The following HS3ST3B1 variants were observed in gnomAD, a reference collection of about 807,000 sequenced individuals.
HS3ST3B1 encodes heparan sulfate glucosamine 3-O-sulfotransferase 3B1.
HS3ST3B1 carries 13 observed loss-of-function variants against 21.3 expected under a neutral mutation model. The ratio of observed to expected loss-of-function variants is 0.61; its 90% confidence interval spans 0.40 to 0.97. HS3ST3B1 has a LOEUF of 0.97. HS3ST3B1 is among the 50% of genes least tolerant of loss of function. HS3ST3B1 has a pLI of 0.00. For missense variants in HS3ST3B1, 459 were observed against 554.8 expected, an observed-to-expected ratio of 0.83 and a Z score of 1.73; for synonymous variants, 234 against 254.8, an observed-to-expected ratio of 0.92 and a Z score of 0.78.
intron 1 of HS3ST3B1, among the ~76,000 whole-genome samples, chr17:14,325,110 T>C (rs1909767938): frequency 6.6e-6 from 1 of 152,180 alleles, no homozygotes; most frequent in Admixed American, 6.5e-5. Context: ...AAAAACAAGC[T>C]GTTTGCTGAA....
Position 14,311,003 on chromosome 17 carries a change from G to A in HS3ST3B1, c.554+8931G>A, listed in dbSNP as rs140465429. Among the ~76,000 whole-genome samples the A allele has an allele frequency of 5.0e-3, 754 of 152,200 alleles. 6 individuals carry two copies. Among genetic ancestry groups the A allele is most frequent in the African/African-American group, 0.017 (703 of 41,516 alleles). On this transcript the variant is annotated intron_variant, in intron 1 of 1. Transcript: ENST00000360954. ...TACTTATTAATGGAGGAAGCCAAAGGTGACCATTTAAAATCCTTTTCTATA... is the reference window on the plus strand; with the variant it reads ...TACTTATTAATGGAGGAAGCCAAAGATGACCATTTAAAATCCTTTTCTATA...
chr17:14,308,856 C>T (rs1163252985), intron 1 of HS3ST3B1, among the ~76,000 whole-genome samples: 1 of 152,200 alleles, frequency 6.6e-6, no homozygotes, highest in Non-Finnish European at 1.5e-5. Flanking sequence ...TCTCCCAAGT[C>T]TTTGCCCCAC....
intron 1 of HS3ST3B1, among the ~76,000 whole-genome samples, chr17:14,340,695 G>T (rs1254296814): frequency 1.3e-5 from 2 of 152,114 alleles, no homozygotes; most frequent in African/African-American, 4.8e-5. Flanking sequence ...AGATTCTCCT[G>T]TCTCAGCCTC....
chr17:14,345,753 T>C lies in HS3ST3B1; in HGVS notation c.*107T>C, dbSNP rs1265033522. ...TTTATAATAATTTATTTTTAATTCA[T>C]AAGCAATTAATTCACTAAGCTGCCT... On this transcript the variant is annotated 3_prime_UTR_variant, in exon 2 of 2. Transcript: ENST00000360954. 3 of 1,365,304 alleles carry C rather than the reference T, an allele frequency of 2.2e-6. No homozygotes were observed. The highest frequency in any genetic ancestry group is 2.9e-6 in the Non-Finnish European group (3 of 1,024,014). 84.6% of individuals were successfully genotyped at this position (1,365,304 alleles called of 1,614,324 possible). A position where few individuals can be genotyped will look rare whatever the true frequency, so the allele number is the denominator to read the frequency against.
Position 14,321,784 on chromosome 17 carries a change from A to G in HS3ST3B1, c.554+19712A>G, listed in dbSNP as rs149070770. Among the ~76,000 whole-genome samples, 1,354 of 152,282 alleles carry G rather than the reference A, an allele frequency of 8.9e-3. 17 individuals are homozygous for G. Among genetic ancestry groups the G allele is most frequent in the Middle Eastern group, 0.027 (8 of 294 alleles). ...ATGAGGGCTGTGGTTTGGAGAGGCT[A>G]ATCTAGTTATTTTCAGTTTTGTGAT... On this transcript the variant is annotated intron_variant, in intron 1 of 1. Coordinates refer to ENST00000360954, the MANE Select transcript of HS3ST3B1 (RefSeq NM_006041.3).
intron 1 of HS3ST3B1, among the ~76,000 whole-genome samples, chr17:14,332,887 A>C (rs1384925003): frequency 1.4e-5 from 2 of 138,924 alleles, no homozygotes; most frequent in East Asian, 4.1e-4. Flanking sequence ...TAACTGACAA[A>C]TCTCAGTTGT....
At chr17:14,335,983 T>A (rs539748599) in intron 1 of HS3ST3B1, among the ~76,000 whole-genome samples, 18 of 152,294 alleles carry the variant, frequency 1.2e-4, no homozygotes, top group Middle Eastern at 3.4e-3. Context: ...AAACAGTAAG[T>A]TTAAAAAACG....
intron 1 of HS3ST3B1, among the ~76,000 whole-genome samples, chr17:14,309,573 GTGTTGGCCTGGC>G (rs1243062150): frequency 2.0e-5 from 3 of 152,250 alleles, no homozygotes; most frequent in Non-Finnish European, 2.9e-5. Flanking sequence ...GCCCCCGCCG[GTGTTGGCCTGGC>G]TGTTGGCAGC....
chr17:14,331,944 C>A (rs1910027970), intron 1 of HS3ST3B1, among the ~76,000 whole-genome samples: 1 of 152,188 alleles, frequency 6.6e-6, no homozygotes, highest in African/African-American at 2.4e-5. Context: ...CTCCTCCCGC[C>A]AAACCCCACT....
At chr17:14,307,703 A>C (rs1201551513) in intron 1 of HS3ST3B1, among the ~76,000 whole-genome samples, 1 of 152,214 alleles carries the variant, frequency 6.6e-6, no homozygotes, top group East Asian at 1.9e-4. Context: ...TTTCTATGTC[A>C]GTAGTTTTTT....
chr17:14,328,346 T>C (rs926368062), intron 1 of HS3ST3B1: 13 of 152,316 alleles, frequency 8.5e-5, no homozygotes, highest in African/African-American at 3.1e-4. Flanking sequence ...TGGTTGACCA[T>C]GACAATGAAA....
rs111261697 is a variant in HS3ST3B1, at chr17:14,330,550, G to GGTGTGTATGTGTGTGT, written c.555-14472_555-14471insATGTGTGTGTGTGTGT. 8.0e-3 allele frequency among the ~76,000 whole-genome samples: 1,156 copies of GGTGTGTATGTGTGTGT among 144,168 alleles called. 20 individuals carry two copies. The highest frequency in any genetic ancestry group is 0.028 in the African/African-American group (1,089 of 38,754). The allele number at this position is 144,168 out of a possible 152,430, so 94.6% of individuals were successfully genotyped here. ...TGTCCTGTTTCTCTCCTGGTTTCCC[G>GGTGTGTATGTGTGTGT]GTGTGTGTGTGTGTGTGTGTGTGTG... On this transcript the variant is annotated intron_variant, in intron 1 of 1. Coordinates refer to ENST00000360954, the MANE Select transcript of HS3ST3B1 (RefSeq NM_006041.3).
intron 1 of HS3ST3B1, among the ~76,000 whole-genome samples, chr17:14,324,470 C>G (rs902458762): frequency 3.9e-5 from 6 of 152,080 alleles, no homozygotes; most frequent in African/African-American, 1.4e-4. Context: ...AGGCTGGTCT[C>G]GAACTCCTGG....
chr17:14,345,940 T>G lies in HS3ST3B1; in HGVS notation c.*294T>G, dbSNP rs986723013. On this transcript the variant is annotated 3_prime_UTR_variant, in exon 2 of 2. Transcript: ENST00000360954. ...GAAAAGCACAACTTGAGATTTTTGT[T>G]GTTACGGGTATTCAGCCTTCAGTCA... 1 of 333,664 alleles carries G rather than the reference T, an allele frequency of 3.0e-6. No homozygotes were observed. Among genetic ancestry groups the G allele is most frequent in the African/African-American group, 2.2e-5 (1 of 46,458 alleles). The allele number at this position is 333,664 out of a possible 1,614,324, so 20.7% of individuals were successfully genotyped here. A position where few individuals can be genotyped will look rare whatever the true frequency, so the allele number is the denominator to read the frequency against.
intron 1 of HS3ST3B1, among the ~76,000 whole-genome samples, chr17:14,312,663 C>T (rs972972468): frequency 6.6e-5 from 10 of 151,904 alleles, no homozygotes; most frequent in African/African-American, 1.7e-4. Flanking sequence ...CTTCTCTGAC[C>T]GAGGCCTGCT....
intron 1 of HS3ST3B1, among the ~76,000 whole-genome samples, chr17:14,312,901 C>CTTT (rs35154149): frequency 6.2e-5 from 8 of 129,450 alleles, no homozygotes; most frequent in Non-Finnish European, 9.6e-5. Flanking sequence ...GTGAAAATGT[C>CTTT]TTTTTTTTTT....
chr17:14,323,801 G>A (rs1275965683), intron 1 of HS3ST3B1, among the ~76,000 whole-genome samples: 1 of 152,150 alleles, frequency 6.6e-6, no homozygotes, highest in Non-Finnish European at 1.5e-5. Context: ...AGAGGTTTGA[G>A]CTTGATTAAT....
At chr17:14,307,487 TA>T (rs1208160648) in intron 1 of HS3ST3B1, among the ~76,000 whole-genome samples, 2 of 152,194 alleles carry the variant, frequency 1.3e-5, no homozygotes, top group Non-Finnish European at 2.9e-5. Context: ...TATGCTGATT[TA>T]TCTTTTTGTT....
chr17:14,314,890 G>A (rs77559032), intron 1 of HS3ST3B1, among the ~76,000 whole-genome samples: 2,265 of 152,240 alleles, frequency 0.015, 61 homozygotes, highest in African/African-American at 0.046. Flanking sequence ...AGTTCATCAC[G>A]GGCATTCTTG....
Sources: allele counts gnomAD v4.1 joint callset (sites outside exome capture counted in the v4.1 genomes callset), GRCh38; gene constraint gnomAD v4.1.1; transcripts MANE v1.5; gene names NCBI Gene and HGNC (gene_info 2026-07-23, HGNC 2026-07-21).